ZXDC: variants seen among roughly 807,000 people sequenced by gnomAD.
The protein encoded by ZXDC is zinc finger protein ZXDC.
ZXDC carries 58 observed loss-of-function variants against 63.6 expected under a neutral mutation model. The ratio of observed to expected loss-of-function variants is 0.91; its 90% CI spans 0.74 to 1.13. The LOEUF (loss-of-function observed/expected upper bound fraction) is 1.13, where lower values mean the gene tolerates loss of function less well. Ranked by LOEUF, ZXDC falls within the 50% of genes most tolerant of loss-of-function variation. The pLI is 0.00. For missense variants in ZXDC, 1,133 were observed against 1,148.9 expected (o/e 0.99, Z 0.20); for synonymous variants, 561 against 496.1 (o/e 1.13, Z -1.74).
At chr3:126,446,256 C>A (rs2107631894) in intron 7 of ZXDC, among the ~76,000 whole-genome samples, 1 of 152,238 alleles carries the variant, frequency 6.6e-6, no homozygotes, top group Admixed American at 6.5e-5. Context: ...TCCTGGGAAG[C>A]AAGGAAGGAC....
rs1933631291 is a variant in ZXDC at position 126,440,391 on chromosome 3, T to C, written c.2395-664A>G. 6 of 985,448 alleles carry C rather than the reference T, an allele frequency of 6.1e-6. No individual in the cohort carries two copies. The Admixed American group carries it at 1.8e-4, about 30-fold the overall frequency. The allele number at this position is 985,448 out of a possible 1,614,324, so 61.0% of individuals were successfully genotyped here. A position where few individuals can be genotyped will look rare whatever the true frequency, so the allele number is the denominator to read the frequency against. ...GGTCTGCACTACTGTTCCCATTTCA[T>C]AGATGACAAAACTGAGGCCCGGAGT... On this transcript the variant is annotated intron_variant, in intron 8 of 9. Transcript: ENST00000389709.
intron 7 of ZXDC, among the ~76,000 whole-genome samples, chr3:126,445,742 ACAGGGCAGC>A (rs1361231041): frequency 2.6e-5 from 4 of 152,038 alleles, no homozygotes; most frequent in African/African-American, 9.7e-5. Flanking sequence ...CTGTGAGAGA[ACAGGGCAGC>A]CAGGGGAGGA....
intron 4 of ZXDC, among the ~76,000 whole-genome samples, chr3:126,468,283 T>C (rs1054861969): frequency 1.3e-5 from 2 of 152,022 alleles, no homozygotes; most frequent in Middle Eastern, 3.4e-3. Flanking sequence ...GACATACTTC[T>C]GGTCTGTGGC....
At chr3:126,450,715 C>T (rs1934068855) in intron 7 of ZXDC, 1 of 353,202 alleles carries the variant, frequency 2.8e-6, no homozygotes. Context: ...AAACTTGGAC[C>T]AGGTGTGCAA....
At chr3:126,454,564 C>T (rs533056157) in intron 7 of ZXDC, 62 of 985,412 alleles carry the variant, frequency 6.3e-5, no homozygotes, top group Admixed American at 3.1e-4. Flanking sequence ...CAACACACAG[C>T]GGAGAGTGTG....
chr3:126,441,656 G>A, intron 8 of ZXDC, 109 bp downstream of exon 8: 1 of 1,433,184 alleles, frequency 7.0e-7, no homozygotes, highest in Non-Finnish European at 9.1e-7. Context: ...GGGCAGGCAG[G>A]CAGGGGGTGC....
chr3:126,462,190 G>A lies in ZXDC; in HGVS notation c.1472C>T (p.Ser491Phe). Reference protein sequence around the residue: ...DLLPQLEAPSSLTPSSELSSP... With the variant: ...DLLPQLEAPSFLTPSSELSSP... ...GCTGAGTTCACTGCTGGGAGTAAGA[G>A]AACTCGGAGCTTCTAGCTGAGGTAA... Residue 491 changes from serine to phenylalanine, a missense_variant, in exon 6 of 10, where the codon TCT (serine) becomes TTT (phenylalanine). Transcript: ENST00000389709. 6.2e-7 allele frequency: 1 copy of A among 1,603,698 alleles called. No individual in the cohort carries two copies. Among genetic ancestry groups the A allele is most frequent in the Non-Finnish European group, 8.5e-7 (1 of 1,176,618 alleles).
intron 7 of ZXDC, chr3:126,450,178 G>T (rs1227041460): frequency 1.1e-5 from 4 of 374,048 alleles, no homozygotes; most frequent in East Asian, 1.4e-4. Flanking sequence ...AACAGGAAAG[G>T]CCCCTCCACA....
chr3:126,456,029 T>C (rs926517783), intron 7 of ZXDC, among the ~76,000 whole-genome samples: 1 of 151,786 alleles, frequency 6.6e-6, no homozygotes, highest in African/African-American at 2.4e-5. Flanking sequence ...AGAATCAGTA[T>C]CATTGAATCC....
At position 126,440,074 on chromosome 3, in the gene ZXDC, C is replaced by T. The variant is rs74362237; in HGVS notation, c.2395-347G>A. ...TGGCACGCCCTGTACCCCCACCAACCTTGTGTACCCAGAGTGCTCTCCAGC... is the reference window on the plus strand; with the variant it reads ...TGGCACGCCCTGTACCCCCACCAACTTTGTGTACCCAGAGTGCTCTCCAGC... On this transcript the variant is annotated intron_variant, in intron 8 of 9. Coordinates refer to ENST00000389709, the MANE Select transcript of ZXDC (RefSeq NM_025112.5). 1,361 of 1,101,088 alleles carry T rather than the reference C, an allele frequency of 1.2e-3. 11 individuals are homozygous for T. The African/African-American group carries it at 0.02, about 16-fold the overall frequency. 68.2% of individuals were successfully genotyped at this position (1,101,088 alleles called of 1,614,324 possible). A position where few individuals can be genotyped will look rare whatever the true frequency, so the allele number is the denominator to read the frequency against.
chr3:126,446,196 A>C (rs1160895862), intron 7 of ZXDC, among the ~76,000 whole-genome samples: 1 of 152,196 alleles, frequency 6.6e-6, no homozygotes, highest in Non-Finnish European at 1.5e-5. Context: ...TGTGCTGGAG[A>C]ATCTGCAGGA....
At chr3:126,459,219 T>C (rs899065617) in intron 7 of ZXDC, 1 of 985,156 alleles carries the variant, frequency 1.0e-6, no homozygotes, top group Non-Finnish European at 1.2e-6. Flanking sequence ...AACATAACTC[T>C]GACAATGCCA....
chr3:126,475,371 G>C lies in ZXDC; in HGVS notation c.495C>G (p.Pro165=), dbSNP rs1935157545. 1.6e-6 allele frequency: 2 copies of C among 1,266,970 alleles called. No homozygotes were observed. Among genetic ancestry groups the C allele is most frequent in the Admixed American group, 4.3e-5 (1 of 23,518 alleles). The allele number at this position is 1,266,970 out of a possible 1,614,324, so 78.5% of individuals were successfully genotyped here. A position where few individuals can be genotyped will look rare whatever the true frequency, so the allele number is the denominator to read the frequency against. ...TAGAAAPRRA[P]QASGPSTPGY... is the part of the protein sequence containing the mutation. ...CGGGCGTGCTGGGGCCGGAGGCCTGGGGCGCGCGGCGGGGAGCGGCGGCGC... is the reference window on the plus strand; with the variant it reads ...CGGGCGTGCTGGGGCCGGAGGCCTGCGGCGCGCGGCGGGGAGCGGCGGCGC... The change falls in exon 1 of 10, where the codon CCC becomes CCG. Residue 165 remains proline (P), a synonymous_variant. Transcript: ENST00000389709.
intron 7 of ZXDC, chr3:126,458,997 G>C (rs1168845651): frequency 7.1e-6 from 7 of 980,494 alleles, no homozygotes; most frequent in Non-Finnish European, 8.5e-6. Flanking sequence ...AACCCTTTTA[G>C]ATAAATACAA....
At chr3:126,450,748 C>G (rs1312945454) in intron 7 of ZXDC, 5 of 352,172 alleles carry the variant, frequency 1.4e-5, no homozygotes, top group Non-Finnish European at 2.2e-5. Flanking sequence ...TAAAGTGAAA[C>G]AGATTATAAA....
intron 7 of ZXDC, among the ~76,000 whole-genome samples, chr3:126,444,469 T>A (rs920095619): frequency 1.3e-5 from 2 of 151,884 alleles, no homozygotes; most frequent in East Asian, 3.9e-4. Flanking sequence ...GAGGCAGAGC[T>A]TGCAGTGAGC....
chr3:126,455,310 A>G (rs1934264885), intron 7 of ZXDC, among the ~76,000 whole-genome samples: 2 of 152,236 alleles, frequency 1.3e-5, no homozygotes, highest in African/African-American at 4.8e-5. Flanking sequence ...TATGTACCAT[A>G]TTATCTAAAA....
chr3:126,453,975 A>G, intron 7 of ZXDC: 7 of 961,702 alleles, frequency 7.3e-6, no homozygotes, highest in Non-Finnish European at 8.7e-6. Flanking sequence ...ATACATGTAT[A>G]TATATATGTG....
rs1933678520 is a variant in ZXDC at position 126,441,586 on chromosome 3, G to A, written c.2394+179C>T. On this transcript the variant is annotated intron_variant, in intron 8 of 9. Transcript: ENST00000389709. The stretch of plus-strand genomic sequence containing the variant: ...AGATGCAGGACAGGCTGGGAAAAAG[G>A]GAGGAGCTGGGCTGTGAGGAGACAG... The A allele has an allele frequency of 2.2e-6, 3 of 1,335,368 alleles. No individual in the cohort carries two copies. The East Asian group carries it at 8.6e-5, about 38-fold the overall frequency. 82.7% of individuals were successfully genotyped at this position (1,335,368 alleles called of 1,614,324 possible).
Sources: allele counts gnomAD v4.1 joint callset (sites outside exome capture counted in the v4.1 genomes callset), GRCh38; gene constraint gnomAD v4.1.1; transcripts MANE v1.5; gene names NCBI Gene and HGNC (gene_info 2026-07-23, HGNC 2026-07-21).